The following RPS6KC1 variants were observed in gnomAD, a reference collection of about 807,000 sequenced individuals.
The protein encoded by RPS6KC1 is inactive ribosomal protein S6 kinase delta-1.
In RPS6KC1, 54 loss-of-function variants were observed where a neutral mutation model predicts 103.8. The ratio of observed to expected loss-of-function variants is 0.52; its 90% CI spans 0.42 to 0.65. The LOEUF (loss-of-function observed/expected upper bound fraction) is 0.65. Ranked by LOEUF, RPS6KC1 falls within the 30% of genes least tolerant of loss-of-function variation. RPS6KC1 has a pLI of 0.00. For synonymous variants in RPS6KC1, 439 were observed against 438.7 expected (o/e 1.00, Z -0.01); for missense variants, 1,151 against 1,253.8 (o/e 0.92, Z 1.24).
At chr1:213,099,759 T>A (rs972827835) in intron 3 of RPS6KC1, among the ~76,000 whole-genome samples, 1 of 152,210 alleles carries the variant, frequency 6.6e-6, no homozygotes, top group Non-Finnish European at 1.5e-5. Context: ...AAACTTTTCA[T>A]GTCTGGCTTC....
At chr1:213,289,253 CAAAAAAAAA>C in the RPS6KC1 span, among the ~76,000 whole-genome samples, 2 of 77,096 alleles carry the variant, frequency 2.6e-5, no homozygotes, top group African/African-American at 5.2e-5. Flanking sequence ...GTTGGATGCT[CAAAAAAAAA>C]AAAAAAAAAA....
At chr1:213,255,337 GA>G (rs1190311866) in intron 12 of RPS6KC1, among the ~76,000 whole-genome samples, 2 of 151,056 alleles carry the variant, frequency 1.3e-5, no homozygotes, top group Admixed American at 6.6e-5. Context: ...AAAAAAAAAG[GA>G]AAAGAAAACA....
At chr1:213,676,894 C>A in the RPS6KC1 span, among the ~76,000 whole-genome samples, 1 of 152,226 alleles carries the variant, frequency 6.6e-6, no homozygotes, top group Admixed American at 6.5e-5. Flanking sequence ...ATACAGGAGG[C>A]TCCAGTTGTC....
chr1:213,144,873 G>A (rs2087545189), intron 6 of RPS6KC1, among the ~76,000 whole-genome samples: 1 of 151,882 alleles, frequency 6.6e-6, no homozygotes. Flanking sequence ...TCAGGAGATC[G>A]AGACCATCCT....
At chr1:213,826,492 T>C in the RPS6KC1 span, among the ~76,000 whole-genome samples, 1 of 152,206 alleles carries the variant, frequency 6.6e-6, no homozygotes, top group African/African-American at 2.4e-5. Flanking sequence ...GATTTTTACC[T>C]ACAACAACCT....
chr1:213,365,665 TC>T, the RPS6KC1 span, among the ~76,000 whole-genome samples: 2 of 152,328 alleles, frequency 1.3e-5, no homozygotes, highest in South Asian at 4.1e-4. Flanking sequence ...GGATGGGGCT[TC>T]CAGTCCAACA....
intron 8 of RPS6KC1, among the ~76,000 whole-genome samples, chr1:213,225,862 G>A (rs1413580904): frequency 3.3e-5 from 5 of 152,132 alleles, no homozygotes; most frequent in Non-Finnish European, 7.4e-5. Context: ...CTAGTGAGAT[G>A]TGTTCTACTT....
chr1:213,612,360 T>C, the RPS6KC1 span, among the ~76,000 whole-genome samples: 1 of 152,206 alleles, frequency 6.6e-6, no homozygotes, highest in Admixed American at 6.5e-5. Context: ...ACTTTCAACA[T>C]GAATTTTGTG....
At chr1:213,357,689 T>G in the RPS6KC1 span, among the ~76,000 whole-genome samples, 2 of 152,226 alleles carry the variant, frequency 1.3e-5, no homozygotes, top group African/African-American at 4.8e-5. Context: ...AAAGTGCCAT[T>G]CACTTCATCT....
chr1:213,405,865 T>C, the RPS6KC1 span, among the ~76,000 whole-genome samples: 1 of 152,086 alleles, frequency 6.6e-6, no homozygotes. Flanking sequence ...ATAGGAGGAC[T>C]CTGAGAGGGG....
chr1:213,562,551 G>A, the RPS6KC1 span, among the ~76,000 whole-genome samples: 15 of 151,606 alleles, frequency 9.9e-5, no homozygotes, highest in Admixed American at 6.6e-4. Flanking sequence ...CACCACGCCC[G>A]GCTAACTTTT....
At chr1:213,184,872 A>T (rs1041139020) in intron 8 of RPS6KC1, among the ~76,000 whole-genome samples, 1 of 152,156 alleles carries the variant, frequency 6.6e-6, no homozygotes, top group African/African-American at 2.4e-5. Flanking sequence ...TGATTTTTTT[A>T]AAAATTCGCT....
rs1321176560 is a variant in RPS6KC1, at chr1:213,176,403, C to T, written c.955C>T (p.Pro319Ser). The change falls in exon 8 of 15, where the codon CCA becomes TCA. Residue 319 changes from proline to serine, a missense_variant. Pro to Ser is a moderately conservative substitution (Grantham distance 74). Transcript: ENST00000366960. Reference protein sequence around the residue: ...KPQLDDVSQPPGSLSSRPLWN... With the variant: ...KPQLDDVSQPSGSLSSRPLWN... ...AATCTTTGATATCTTCCATTAGCCT[C>T]CAGGATCACTAAGTTCAAGGCCCCT... The T allele has an allele frequency of 1.1e-5, 18 of 1,597,470 alleles. No individual in the cohort carries two copies. The highest frequency in any genetic ancestry group is 1.5e-5 in the Non-Finnish European group (17 of 1,167,840).
intron 8 of RPS6KC1, among the ~76,000 whole-genome samples, chr1:213,179,880 GT>G (rs2092152777): frequency 6.6e-6 from 1 of 152,118 alleles, no homozygotes; most frequent in Non-Finnish European, 1.5e-5. Context: ...ATAAATATTT[GT>G]TGAATAAATG....
At chr1:213,056,290 C>T (rs1360502397) in intron 1 of RPS6KC1, among the ~76,000 whole-genome samples, 3 of 152,114 alleles carry the variant, frequency 2.0e-5, no homozygotes, top group African/African-American at 4.8e-5. Context: ...GGCACAGAGA[C>T]GTTTAGTAAC....
At chr1:213,383,881 C>A in the RPS6KC1 span, among the ~76,000 whole-genome samples, 1 of 152,160 alleles carries the variant, frequency 6.6e-6, no homozygotes, top group Non-Finnish European at 1.5e-5. Context: ...GACTTCCCAG[C>A]CTCTAGAACT....
chr1:213,457,686 G>C, the RPS6KC1 span, among the ~76,000 whole-genome samples: 1 of 152,134 alleles, frequency 6.6e-6, no homozygotes, highest in Non-Finnish European at 1.5e-5. Flanking sequence ...GTGTATTCTA[G>C]ATACAGTAAT....
the RPS6KC1 span, among the ~76,000 whole-genome samples, chr1:213,575,630 G>C: frequency 6.6e-6 from 1 of 152,140 alleles, no homozygotes; most frequent in African/African-American, 2.4e-5. Flanking sequence ...GGCCTCCCTA[G>C]CCATGCTGAA....
intron 8 of RPS6KC1, among the ~76,000 whole-genome samples, chr1:213,219,846 G>A (rs1245971681): frequency 6.9e-6 from 1 of 145,174 alleles, no homozygotes; most frequent in African/African-American, 2.5e-5. Context: ...ATCACACACC[G>A]GGGCCTGTTG....
Sources: allele counts gnomAD v4.1 joint callset (sites outside exome capture counted in the v4.1 genomes callset), GRCh38; gene constraint gnomAD v4.1.1; transcripts MANE v1.5; gene names NCBI Gene and HGNC (gene_info 2026-07-23, HGNC 2026-07-21).